Variants in GRTP1 observed in about 807,000 individuals in gnomAD.
The protein encoded by GRTP1 is growth hormone-regulated TBC protein 1.
In GRTP1, 56 loss-of-function variants were observed where a neutral mutation model predicts 38.1. The observed-to-expected ratio is 1.47, with a 90% CI of 1.19 to 1.84. GRTP1 has a LOEUF of 1.84. GRTP1 is among the 40% of genes most tolerant of loss of function. The pLI is 0.00. For synonymous variants in GRTP1, 217 were observed against 189.5 expected, an observed-to-expected ratio of 1.14 and a Z score of -1.19; for missense variants, 506 against 453.9, an observed-to-expected ratio of 1.11 and a Z score of -1.04.
intron 5 of GRTP1, among the ~76,000 whole-genome samples, chr13:113,335,283 C>T (rs192595694): frequency 3.3e-5 from 5 of 151,722 alleles, no homozygotes; most frequent in Non-Finnish European, 5.9e-5. Flanking sequence ...GGAGGCTGGC[C>T]GTGGTGGTGT....
At position 113,350,656 on chromosome 13, in the gene GRTP1, C is replaced by T. The variant is rs28571293; in HGVS notation, c.465+193G>A. Among the ~76,000 whole-genome samples the T allele has an allele frequency of 3.6e-4, 55 of 152,304 alleles. 2 individuals are homozygous for T. In the East Asian group the frequency reaches 9.3e-3, roughly 26 times the overall value. ...TGATTCTCCTCCCGCCACCTGAGGC[C>T]GGAATGAGGTCGTCGGCTGCTGCTC... On this transcript the variant is annotated intron_variant, in intron 4 of 7. Coordinates refer to ENST00000375431, the MANE Select transcript of GRTP1 (RefSeq NM_024719.4).
At chr13:113,340,533 CT>C (rs34632236) in intron 5 of GRTP1, among the ~76,000 whole-genome samples, 36,564 of 151,488 alleles carry the variant, frequency 0.24, 6,112 homozygotes, top group African/African-American at 0.48. Context: ...AATCCCAGCA[CT>C]TTTGGGAGGC....
chr13:113,346,070 G>GTGGACAAGAGCAGACC lies in GRTP1; in HGVS notation c.466-1112_466-1111insGGTCTGCTCTTGTCCA, dbSNP rs2043108286. Among the ~76,000 whole-genome samples the GTGGACAAGAGCAGACC allele has an allele frequency of 1.1e-4, 10 of 90,954 alleles. 1 individual carries two copies. The highest frequency in any genetic ancestry group is 2.4e-4 in the African/African-American group (5 of 20,734). 59.7% of individuals were successfully genotyped at this position (90,954 alleles called of 152,430 possible). On this transcript the variant is annotated intron_variant, in intron 4 of 7. Coordinates refer to ENST00000375431, the MANE Select transcript of GRTP1 (RefSeq NM_024719.4). ...CGAGAGCAGACCCGGGAGGACCTCTGCGGCTGAGCAGACCTGGGAAGACAT... is the reference window on the plus strand; with the variant it reads ...CGAGAGCAGACCCGGGAGGACCTCTGTGGACAAGAGCAGACCCGGCTGAGCAGACCTGGGAAGACAT...
chr13:113,324,761 C>T, intron 7 of GRTP1, 184 bp from the exon 8 acceptor site: 3 of 1,357,786 alleles, frequency 2.2e-6, no homozygotes, highest in South Asian at 1.9e-5. Flanking sequence ...CCTAGGACTG[C>T]AGCTTTGCTG....
At chr13:113,338,821 T>C (rs1306451746) in intron 5 of GRTP1, among the ~76,000 whole-genome samples, 1 of 152,034 alleles carries the variant, frequency 6.6e-6, no homozygotes, top group African/African-American at 2.4e-5. Context: ...ACAGGTCTGC[T>C]GGCCATTCCG....
chr13:113,344,296 A>G (rs183998656), intron 5 of GRTP1, among the ~76,000 whole-genome samples: 2 of 152,320 alleles, frequency 1.3e-5, no homozygotes, highest in Non-Finnish European at 2.9e-5. Flanking sequence ...AGCTGCCCAC[A>G]AGGGCTAAGA....
Position 113,325,653 on chromosome 13 carries a change from C to A in GRTP1, c.921+8G>T, listed in dbSNP as rs779678130. 6.9e-6 allele frequency: 11 copies of A among 1,601,622 alleles called. No homozygotes were observed. Among genetic ancestry groups the A allele is most frequent in the South Asian group, 2.2e-5 (2 of 91,070 alleles). ...GGAGGGGACTGAGCCACGTGCAGCC[C>A]CACACACCTGCATAAACGTGTGACA... On this transcript the variant is annotated splice_region_variant and intron_variant, in intron 7 of 7. Transcript: ENST00000375431.
intron 2 of GRTP1, among the ~76,000 whole-genome samples, chr13:113,357,171 G>T (rs1057186380): frequency 6.6e-6 from 1 of 151,724 alleles, no homozygotes; most frequent in Non-Finnish European, 1.5e-5. Flanking sequence ...TTAGCTGGAC[G>T]CGGTGGCTCA....
chr13:113,332,563 T>C (rs2042892905), intron 5 of GRTP1, among the ~76,000 whole-genome samples: 1 of 152,090 alleles, frequency 6.6e-6, no homozygotes, highest in Non-Finnish European at 1.5e-5. Flanking sequence ...ACCTCGACAC[T>C]AGTCAACACC....
chr13:113,342,387 A>G lies in GRTP1; in HGVS notation c.562+2476T>C, dbSNP rs370377501. 3.3e-5 allele frequency among the ~76,000 whole-genome samples: 5 copies of G among 152,086 alleles called. No homozygotes were observed. The South Asian group carries it at 1.0e-3, about 32-fold the overall frequency. On this transcript the variant is annotated intron_variant, in intron 5 of 7. Coordinates refer to ENST00000375431, the MANE Select transcript of GRTP1 (RefSeq NM_024719.4). The surrounding 1 kb of genome is among the most constrained non-coding windows in gnomAD (Gnocchi z 4.5). ...GCCAGGCGTAGTGGCGGGCGCCTGT[A>G]GTCCCAGCTACTCGGGAGGCTGAGG...
intron 5 of GRTP1, among the ~76,000 whole-genome samples, chr13:113,334,526 T>C (rs530016342): frequency 1.6e-4 from 25 of 152,110 alleles, no homozygotes; most frequent in Admixed American, 8.5e-4. Context: ...TTTGAGATTA[T>C]AAATAAGCAA....
chr13:113,338,442 C>A (rs1001102935), intron 5 of GRTP1, among the ~76,000 whole-genome samples: 1 of 151,944 alleles, frequency 6.6e-6, no homozygotes, highest in African/African-American at 2.4e-5. Flanking sequence ...GACTCATGAG[C>A]GATGAACCAA....
chr13:113,326,105 TG>T lies in GRTP1; in HGVS notation c.563-15del, dbSNP rs1566411097. On this transcript the variant is annotated splice_polypyrimidine_tract_variant and intron_variant, in intron 5 of 7. Coordinates refer to ENST00000375431, the MANE Select transcript of GRTP1 (RefSeq NM_024719.4). Reference sequence around the variant, plus strand: ...GGCTGTAGTAATCTGCCAGGCAATGTGGAGAAAAGACCCCGAGACACTCCCG... The same window carrying T: ...GGCTGTAGTAATCTGCCAGGCAATGTGAGAAAAGACCCCGAGACACTCCCG... 1 of 1,603,972 alleles carries T rather than the reference TG, an allele frequency of 6.2e-7. No individual in the cohort carries two copies. Among genetic ancestry groups the T allele is most frequent in the East Asian group, 2.2e-5 (1 of 44,784 alleles).
chr13:113,325,385 C>T (rs1340998376), intron 7 of GRTP1: 6 of 1,429,930 alleles, frequency 4.2e-6, no homozygotes, highest in Non-Finnish European at 5.5e-6. Context: ...CGGGAAGCCA[C>T]ACTTCTGGCA....
intron 7 of GRTP1, 56 bp downstream of exon 7, chr13:113,325,605 T>C: frequency 6.2e-7 from 1 of 1,613,288 alleles, no homozygotes; most frequent in South Asian, 1.1e-5. Context: ...GCCCCCGGGC[T>C]GCAGGTGAGG....
Position 113,350,889 on chromosome 13 carries a change from A to G in GRTP1, c.425T>C (p.Leu142Pro), listed in dbSNP as rs760976417. ...TCCCTGGTTATGGTGCCCATATGCC[A>G]GCAGCACATTGTACAGGGTCCTCTG... is the stretch of plus-strand genomic sequence containing the variant. ...CLQRTLYNVL[L>P]AYGHHNQGVG... The change falls in exon 4 of 8, where the codon CTG becomes CCG. Residue 142 changes from leucine (L) to proline (P), a missense_variant. Physicochemically the swap from Leu to Pro is moderately conservative, Grantham distance 98. Coordinates refer to ENST00000375431, the MANE Select transcript of GRTP1 (RefSeq NM_024719.4). 1 of 1,597,506 alleles carries G rather than the reference A, an allele frequency of 6.3e-7. No individual in the cohort carries two copies. The highest frequency in any genetic ancestry group is 1.3e-5 in the African/African-American group (1 of 74,716).
rs1490726238 is a variant in GRTP1 at position 113,346,175 on chromosome 13, C to T, written c.466-1216G>A. Among the ~76,000 whole-genome samples the T allele has an allele frequency of 2.7e-3, 363 of 135,610 alleles. 4 individuals are homozygous for T. Among genetic ancestry groups the T allele is most frequent in the Admixed American group, 0.02 (243 of 12,344 alleles). The allele number at this position is 135,610 out of a possible 152,430, so 89.0% of individuals were successfully genotyped here. On this transcript the variant is annotated intron_variant, in intron 4 of 7. Transcript: ENST00000375431. ...GGACCTCTGTGCCTGACAGTGGACC[C>T]GGGAGGACCTCTGTGGCTGAGAGCA...
chr13:113,350,807 C>T (rs773136961), intron 4 of GRTP1, 42 bp downstream of exon 4: 1 of 1,526,322 alleles, frequency 6.6e-7, no homozygotes, highest in Admixed American at 1.9e-5. Context: ...ACAGACCTGT[C>T]CTCACAGCCA....
At chr13:113,326,632 C>T (rs2042778349) in intron 5 of GRTP1, among the ~76,000 whole-genome samples, 2 of 152,186 alleles carry the variant, frequency 1.3e-5, no homozygotes, top group South Asian at 2.1e-4. Flanking sequence ...GATCACACCA[C>T]TGCACTCCAG....
Sources: allele counts gnomAD v4.1 joint callset (sites outside exome capture counted in the v4.1 genomes callset), GRCh38; gene constraint gnomAD v4.1.1; non-coding constraint Gnocchi (gnomAD v3.1); transcripts MANE v1.5; gene names NCBI Gene and HGNC (gene_info 2026-07-23, HGNC 2026-07-21).